Variants in ASTN2 observed in about 807,000 individuals in gnomAD.
The protein encoded by ASTN2 is astrotactin 2.
In ASTN2, 54 loss-of-function variants were observed where a neutral mutation model predicts 139.8. That is an observed-to-expected ratio of 0.39 (90% CI 0.31 to 0.48). The LOEUF is 0.48. Among genes scored for constraint, ASTN2 ranks in the 20% least tolerant of loss-of-function variants. The probability of loss-of-function intolerance (pLI) is 0.95; values close to 1 mark genes in which losing one functional copy is unlikely to be tolerated. For synonymous variants in ASTN2, 756 were observed against 719.5 expected (o/e 1.05, Z -0.81); for missense variants, 1,565 against 1,725.1 (o/e 0.91, Z 1.64).
At chr9:117,324,877 GCT>G (rs1374650564) in intron 1 of ASTN2, among the ~76,000 whole-genome samples, 2 of 152,098 alleles carry the variant, frequency 1.3e-5, no homozygotes, top group Non-Finnish European at 2.9e-5. Flanking sequence ...ACCTTGGATA[GCT>G]CTCTGTCTAC....
chr9:116,507,398 G>A (rs1054071651), intron 19 of ASTN2, among the ~76,000 whole-genome samples: 1 of 152,126 alleles, frequency 6.6e-6, no homozygotes, highest in South Asian at 2.1e-4. Context: ...ACACACAGGA[G>A]GAGAAAAACA....
intron 10 of ASTN2, among the ~76,000 whole-genome samples, chr9:116,957,634 G>C (rs1835750095): frequency 6.6e-6 from 1 of 152,190 alleles, no homozygotes; most frequent in Non-Finnish European, 1.5e-5. Flanking sequence ...CTCTCAATCT[G>C]GGTCTGTTTC....
At chr9:117,112,205 C>T (rs941108232) in intron 4 of ASTN2, among the ~76,000 whole-genome samples, 4 of 151,440 alleles carry the variant, frequency 2.6e-5, no homozygotes, top group Non-Finnish European at 5.9e-5. Flanking sequence ...TGCTTTCTCC[C>T]CATAAATTTA....
In ASTN2 at chr9:117,352,624, A is replaced by T. The variant is rs929399400; in HGVS notation, c.443-61111T>A. Among the ~76,000 whole-genome samples, 4 of 152,262 alleles carry T rather than the reference A, an allele frequency of 2.6e-5. No individual in the cohort carries two copies. The East Asian group carries it at 7.7e-4, about 29-fold the overall frequency. On this transcript the variant is annotated intron_variant, in intron 1 of 22. Transcript: ENST00000313400. Reference sequence around the variant, plus strand: ...CTGGGAAAGCCATCCCAAGCACTTTATCTTTAGTGTTTCTTCTAGTTTATC... The same window carrying T: ...CTGGGAAAGCCATCCCAAGCACTTTTTCTTTAGTGTTTCTTCTAGTTTATC...
At chr9:116,999,055 A>G (rs1837105763) in intron 7 of ASTN2, among the ~76,000 whole-genome samples, 1 of 152,220 alleles carries the variant, frequency 6.6e-6, no homozygotes, top group African/African-American at 2.4e-5. Context: ...CTACAAATGA[A>G]AAGTGGCTGC....
chr9:116,610,182 G>T (rs180900070), intron 19 of ASTN2, among the ~76,000 whole-genome samples: 2 of 152,120 alleles, frequency 1.3e-5, no homozygotes, highest in East Asian at 3.9e-4. Context: ...AATATAAATG[G>T]TCTAAACACC....
chr9:116,463,908 G>GTTTTTTTTTTTT (rs71502069), intron 20 of ASTN2, among the ~76,000 whole-genome samples: 33 of 115,920 alleles, frequency 2.8e-4, no homozygotes, highest in Non-Finnish European at 4.6e-4. Context: ...AGAGTTTTGT[G>GTTTTTTTTTTTT]TTTTTTTTTT....
Position 116,425,876 on chromosome 9 carries a change from G to A in ASTN2, c.3995C>T (p.Thr1332Met), listed in dbSNP as rs759831823. Residue 1332 changes from threonine (T) to methionine (M), a missense_variant, in exon 23 of 23, where the codon ACG becomes ATG. Around this residue, in one of 4 missense-constraint regions of ASTN2, gnomAD observed 418 missense variants for 465.8 expected, o/e 0.90. Coordinates refer to ENST00000313400, the MANE Select transcript of ASTN2 (RefSeq NM_001365068.1). ...EEKMVSMARN[T>M]YGESKGR is the part of the protein sequence containing the mutation. ...TCACCGGCCCTTGGACTCCCCGTAC[G>A]TGTTTCGGGCCATTGACACCATCTT... 5.0e-6 allele frequency: 8 copies of A among 1,613,974 alleles called. No individual in the cohort carries two copies. The African/African-American group carries it at 5.3e-5, about 11-fold the overall frequency.
intron 10 of ASTN2, among the ~76,000 whole-genome samples, chr9:116,869,587 C>T (rs896008165): frequency 6.6e-6 from 1 of 152,126 alleles, no homozygotes; most frequent in Non-Finnish European, 1.5e-5. Flanking sequence ...GGAGAAAAGA[C>T]CAACTTTAAT....
At chr9:117,200,314 A>G (rs1321482512) in intron 3 of ASTN2, among the ~76,000 whole-genome samples, 1 of 151,170 alleles carries the variant, frequency 6.6e-6, no homozygotes, top group Non-Finnish European at 1.5e-5. Flanking sequence ...GCAAACAGAG[A>G]CAACTTGACT....
At chr9:116,777,332 G>A (rs569988189) in intron 13 of ASTN2, among the ~76,000 whole-genome samples, 13 of 152,098 alleles carry the variant, frequency 8.5e-5, no homozygotes, top group Non-Finnish European at 1.6e-4. Context: ...TTCCTATGGG[G>A]CAGGTGTCAT....
At chr9:116,537,664 G>A (rs781607557) in intron 19 of ASTN2, among the ~76,000 whole-genome samples, 8 of 152,158 alleles carry the variant, frequency 5.3e-5, no homozygotes, top group Non-Finnish European at 1.2e-4. Context: ...TCCAGGATTT[G>A]GAAAGACCAT....
chr9:116,499,875 A>G (rs1438817492), intron 19 of ASTN2, among the ~76,000 whole-genome samples: 2 of 152,166 alleles, frequency 1.3e-5, no homozygotes, highest in East Asian at 3.9e-4. Flanking sequence ...TTCTGTACGA[A>G]TAAGTTCATC....
chr9:116,849,817 C>G (rs73533346), intron 11 of ASTN2, among the ~76,000 whole-genome samples: 1 of 152,310 alleles, frequency 6.6e-6, no homozygotes, highest in African/African-American at 2.4e-5. Flanking sequence ...ATCACACCTT[C>G]TCATTGATCA....
At chr9:116,493,287 C>T (rs1481635971) in intron 19 of ASTN2, among the ~76,000 whole-genome samples, 2 of 152,286 alleles carry the variant, frequency 1.3e-5, no homozygotes, top group Middle Eastern at 3.4e-3. Flanking sequence ...CCTCCTAGAA[C>T]CCAGGCTGCT....
chr9:116,819,071 T>C (rs1031075538), intron 12 of ASTN2, among the ~76,000 whole-genome samples: 12 of 152,358 alleles, frequency 7.9e-5, no homozygotes, highest in Admixed American at 7.2e-4. Context: ...GTGGCAGAGC[T>C]AGGATTACAA....
At chr9:117,138,400 G>A (rs1830000488) in intron 4 of ASTN2, among the ~76,000 whole-genome samples, 1 of 152,144 alleles carries the variant, frequency 6.6e-6, no homozygotes, top group South Asian at 2.1e-4. Flanking sequence ...TGCTAAAGAA[G>A]GAACCGTTTG....
At chr9:116,907,166 G>A (rs776665554) in intron 10 of ASTN2, among the ~76,000 whole-genome samples, 13 of 152,190 alleles carry the variant, frequency 8.5e-5, no homozygotes, top group Non-Finnish European at 1.2e-4. Flanking sequence ...AGTGTGAAAC[G>A]TGGAGTAGGA....
At chr9:116,642,132 C>CCAAAAAAAAAAAAAAAA (rs1554724602) in intron 17 of ASTN2, among the ~76,000 whole-genome samples, 4 of 48,938 alleles carry the variant, frequency 8.2e-5, no homozygotes, top group African/African-American at 3.1e-4. Context: ...TCCCAACCCA[C>CCAAAAAAAAAAAAAAAA]AAAAAAAAAA....
Sources: gnomAD v4.1 joint callset for allele counts (sites outside exome capture counted in the v4.1 genomes callset) on GRCh38, gnomAD v4.1.1 for gene constraint, gnomAD v4.1.1 regional missense constraint, MANE v1.5 for transcripts, NCBI Gene and HGNC (gene_info 2026-07-23, HGNC 2026-07-21) for gene names.